The following AGBL4 variants were observed in gnomAD, a reference collection of about 807,000 sequenced individuals.
AGBL4 encodes the protein AGBL carboxypeptidase 4.
Under a neutral mutation model 66.4 loss-of-function variants are expected in AGBL4, and 58 were observed. The ratio of observed to expected loss-of-function variants is 0.87; its 90% CI spans 0.71 to 1.09. The LOEUF (loss-of-function observed/expected upper bound fraction) is 1.09, where lower values mean the gene tolerates loss of function less well. Among genes scored for constraint, AGBL4 ranks in the 50% least tolerant of loss-of-function variants. The pLI, the probability that AGBL4 is intolerant of heterozygous loss-of-function variation, is 0.00. For missense variants in AGBL4, 579 were observed against 631.0 expected (o/e 0.92, Z 0.88); for synonymous variants, 234 against 222.9 (o/e 1.05, Z -0.44).
intron 3 of AGBL4, among the ~76,000 whole-genome samples, chr1:49,247,352 T>G (rs1436052709): frequency 6.6e-6 from 1 of 152,126 alleles, no homozygotes; most frequent in East Asian, 1.9e-4. Context: ...GTGTTTTCCT[T>G]TCTCCTCAGA....
chr1:49,670,468 T>C (rs761625783), intron 3 of AGBL4, among the ~76,000 whole-genome samples: 7 of 152,064 alleles, frequency 4.6e-5, no homozygotes, highest in Non-Finnish European at 7.4e-5. Flanking sequence ...GCAGCTCCAA[T>C]TGGGGCTATG....
chr1:49,276,102 T>TTA (rs574579580), intron 3 of AGBL4, among the ~76,000 whole-genome samples: 1 of 151,528 alleles, frequency 6.6e-6, no homozygotes. Flanking sequence ...TTCTCCTACA[T>TTA]TATATATATA....
At chr1:49,736,480 T>C (rs1230903249) in intron 2 of AGBL4, among the ~76,000 whole-genome samples, 1 of 152,076 alleles carries the variant, frequency 6.6e-6, no homozygotes, top group Non-Finnish European at 1.5e-5. Context: ...AAACCTGCCC[T>C]ATATAACAAA....
chr1:49,969,669 ATGT>A (rs1310984654), intron 1 of AGBL4, among the ~76,000 whole-genome samples: 2 of 152,130 alleles, frequency 1.3e-5, no homozygotes, highest in Admixed American at 6.5e-5. Flanking sequence ...AGGTTCATCT[ATGT>A]TGTTGCAAAT....
chr1:49,205,716 A>G (rs546186938), intron 4 of AGBL4, among the ~76,000 whole-genome samples: 2 of 152,118 alleles, frequency 1.3e-5, no homozygotes, highest in Non-Finnish European at 2.9e-5. Flanking sequence ...ACAGCTTTTT[A>G]ATGTTTCCTT....
intron 3 of AGBL4, among the ~76,000 whole-genome samples, chr1:49,503,613 A>T (rs1248405451): frequency 6.6e-6 from 1 of 152,200 alleles, no homozygotes; most frequent in Admixed American, 6.5e-5. Flanking sequence ...AAGCTGTGGG[A>T]GCCCACCTCT....
intron 1 of AGBL4, among the ~76,000 whole-genome samples, chr1:49,866,203 G>C (rs887880020): frequency 4.5e-4 from 69 of 152,124 alleles, no homozygotes; most frequent in African/African-American, 1.6e-3. Flanking sequence ...TCATCCAGGA[G>C]AACTTCCCCA....
chr1:49,408,425 A>G (rs1645248818), intron 3 of AGBL4, among the ~76,000 whole-genome samples: 1 of 152,240 alleles, frequency 6.6e-6, no homozygotes, highest in South Asian at 2.1e-4. Context: ...ACTGAGCATC[A>G]ACTTGATTAG....
At chr1:48,907,937 G>T (rs920421078) in intron 5 of AGBL4, among the ~76,000 whole-genome samples, 1 of 152,148 alleles carries the variant, frequency 6.6e-6, no homozygotes, top group Non-Finnish European at 1.5e-5. Flanking sequence ...TATTTGAGCA[G>T]AAGTATGGAG....
intron 4 of AGBL4, among the ~76,000 whole-genome samples, chr1:49,226,531 GTT>G (rs1472616612): frequency 2.6e-5 from 4 of 152,022 alleles, no homozygotes; most frequent in African/African-American, 4.8e-5. Flanking sequence ...ATATTTATAG[GTT>G]TGACTGCAGC....
intron 6 of AGBL4, among the ~76,000 whole-genome samples, chr1:48,726,157 G>A (rs993721699): frequency 2.0e-5 from 3 of 152,094 alleles, no homozygotes; most frequent in Non-Finnish European, 4.4e-5. Context: ...CAAACATTAC[G>A]CAAAGCACTT....
intron 3 of AGBL4, among the ~76,000 whole-genome samples, chr1:49,340,595 C>T (rs1645519981): frequency 6.6e-6 from 1 of 152,184 alleles, no homozygotes; most frequent in Non-Finnish European, 1.5e-5. Context: ...CTCTCCTTTT[C>T]ATACATACCG....
intron 2 of AGBL4, among the ~76,000 whole-genome samples, chr1:49,718,120 T>C (rs1051066013): frequency 6.6e-5 from 10 of 152,044 alleles, no homozygotes; most frequent in African/African-American, 2.4e-4. Context: ...CATGTTGAAA[T>C]GTGATTCCCA....
At chr1:49,845,293 C>T in intron 2 of AGBL4, 2 of 1,557,582 alleles carry the variant, frequency 1.3e-6, no homozygotes, top group Non-Finnish European at 8.8e-7. Flanking sequence ...CCCACTGATC[C>T]AGCACCAGAG....
intron 1 of AGBL4, among the ~76,000 whole-genome samples, chr1:49,862,213 C>T (rs1016988381): frequency 5.3e-5 from 8 of 151,848 alleles, no homozygotes; most frequent in African/African-American, 1.9e-4. Flanking sequence ...CTTTTAAAAA[C>T]TCAAGCAGAA....
At chr1:48,591,187 G>T (rs890740570) in intron 9 of AGBL4, among the ~76,000 whole-genome samples, 1 of 149,580 alleles carries the variant, frequency 6.7e-6, no homozygotes, top group South Asian at 2.1e-4. Flanking sequence ...GACAGGTGAC[G>T]ACCAATTCCT....
intron 3 of AGBL4, among the ~76,000 whole-genome samples, chr1:49,295,034 G>A (rs1299111860): frequency 6.6e-6 from 1 of 152,180 alleles, no homozygotes; most frequent in Non-Finnish European, 1.5e-5. Flanking sequence ...GAATGCGTAA[G>A]TGAATCCATG....
At chr1:48,981,904 A>G (rs1557525099) in intron 5 of AGBL4, among the ~76,000 whole-genome samples, 1 of 152,234 alleles carries the variant, frequency 6.6e-6, no homozygotes, top group African/African-American at 2.4e-5. Context: ...AAAGAAAAAA[A>G]GAAAGTGTGT....
intron 6 of AGBL4, among the ~76,000 whole-genome samples, chr1:48,720,808 T>C (rs773791466): frequency 6.6e-6 from 1 of 151,950 alleles, no homozygotes; most frequent in Non-Finnish European, 1.5e-5. Context: ...TACAATCCTC[T>C]GAGTGTTAAG....
Sources: allele counts gnomAD v4.1 joint callset (sites outside exome capture counted in the v4.1 genomes callset), GRCh38; gene constraint gnomAD v4.1.1; transcripts MANE v1.5; gene names NCBI Gene and HGNC (gene_info 2026-07-23, HGNC 2026-07-21).